LRRC4C: variants seen among roughly 807,000 people sequenced by gnomAD.
The protein encoded by LRRC4C is leucine-rich repeat-containing protein 4C.
A neutral mutation model predicts 33.6 loss-of-function variants in LRRC4C; 5 were observed. The ratio of observed to expected loss-of-function variants is 0.15; its 90% CI spans 0.08 to 0.31. The LOEUF is 0.31. LRRC4C is among the 10% of genes least tolerant of loss of function. The pLI, the probability that LRRC4C is intolerant of heterozygous loss-of-function variation, is 1.00. For missense variants in LRRC4C, 560 were observed against 796.7 expected, an observed-to-expected ratio of 0.70 and a Z score of 3.58; for synonymous variants, 329 against 302.0, an observed-to-expected ratio of 1.09 and a Z score of -0.93.
At position 40,961,115 on chromosome 11, in the gene LRRC4C, G is replaced by A. The variant is rs1316042096; in HGVS notation, c.-495-27392C>T. Among the ~76,000 whole-genome samples the A allele has an allele frequency of 5.9e-5, 9 of 151,774 alleles. No homozygotes were observed. In the East Asian group the frequency reaches 1.8e-3, roughly 30 times the overall value. On this transcript the variant is annotated intron_variant, in intron 1 of 6. Coordinates refer to ENST00000528697, the MANE Select transcript of LRRC4C (RefSeq NM_001258419.2). ...GATGGAAGGGTGGAAAGGTTAAGAT[G>A]AACAGGAAATTTGGAAAAGGTTCAG... is the stretch of plus-strand genomic sequence containing the variant.
intron 6 of LRRC4C, among the ~76,000 whole-genome samples, chr11:40,120,017 A>T (rs763276567): frequency 6.6e-6 from 1 of 152,116 alleles, no homozygotes; most frequent in Non-Finnish European, 1.5e-5. Flanking sequence ...ATAAAACCAC[A>T]ATAAAGGCTC....
At chr11:40,805,870 AG>A (rs941183760) in intron 2 of LRRC4C, among the ~76,000 whole-genome samples, 2 of 152,170 alleles carry the variant, frequency 1.3e-5, no homozygotes, top group African/African-American at 2.4e-5. Context: ...AAAAAAAAAT[AG>A]GGTTTCATAA....
At chr11:40,206,544 T>C (rs1317288692) in intron 5 of LRRC4C, among the ~76,000 whole-genome samples, 3 of 152,138 alleles carry the variant, frequency 2.0e-5, no homozygotes, top group African/African-American at 7.2e-5. Flanking sequence ...ACCTGGCCTA[T>C]TGCCATTTTT....
At chr11:40,693,235 TAAAAA>T (rs1945314853) in intron 2 of LRRC4C, among the ~76,000 whole-genome samples, 1 of 152,104 alleles carries the variant, frequency 6.6e-6, no homozygotes, top group African/African-American at 2.4e-5. Flanking sequence ...GTGAGATAGA[TAAAAA>T]TAAAATAAAA....
At chr11:40,240,137 A>T (rs1006577028) in intron 5 of LRRC4C, among the ~76,000 whole-genome samples, 4 of 152,018 alleles carry the variant, frequency 2.6e-5, no homozygotes, top group South Asian at 2.1e-4. Flanking sequence ...TAACTTTATT[A>T]AAAAAAACTA....
intron 1 of LRRC4C, among the ~76,000 whole-genome samples, chr11:41,213,284 T>G (rs1946899343): frequency 6.6e-6 from 1 of 152,206 alleles, no homozygotes; most frequent in Admixed American, 6.5e-5. Context: ...TGAAATGATG[T>G]GATAATATAA....
At chr11:40,963,724 C>T (rs1343099613) in intron 1 of LRRC4C, among the ~76,000 whole-genome samples, 1 of 151,754 alleles carries the variant, frequency 6.6e-6, no homozygotes, top group Non-Finnish European at 1.5e-5. Context: ...AAATCAAATA[C>T]TATATCTCAG....
rs558412988 is a variant in LRRC4C at position 40,868,247 on chromosome 11, A to G, written c.-407+65388T>C. 9.2e-5 allele frequency among the ~76,000 whole-genome samples: 14 copies of G among 152,262 alleles called. No individual in the cohort carries two copies. In the South Asian group the frequency reaches 1.2e-3, roughly 14 times the overall value. The stretch of plus-strand genomic sequence containing the variant: ...CGCTGAGCTATCCTTCAGTAAATAT[A>G]TAACTGTGGAAAAGGAACAGGGAAT... On this transcript the variant is annotated intron_variant, in intron 2 of 6. Coordinates refer to ENST00000528697, the MANE Select transcript of LRRC4C (RefSeq NM_001258419.2).
chr11:40,885,610 A>G (rs1955418640), intron 2 of LRRC4C, among the ~76,000 whole-genome samples: 2 of 152,098 alleles, frequency 1.3e-5, no homozygotes, highest in Admixed American at 1.3e-4. Flanking sequence ...ATCATCAACA[A>G]ACTCTCTAGA....
intron 1 of LRRC4C, among the ~76,000 whole-genome samples, chr11:41,202,577 A>G (rs1409956421): frequency 6.6e-6 from 1 of 152,144 alleles, no homozygotes; most frequent in Non-Finnish European, 1.5e-5. Flanking sequence ...TAGTTAAAAC[A>G]CAAGTGAGGT....
At chr11:40,120,391 A>G (rs563640506) in intron 6 of LRRC4C, among the ~76,000 whole-genome samples, 39 of 152,198 alleles carry the variant, frequency 2.6e-4, no homozygotes, top group African/African-American at 9.4e-4. Context: ...ACTCTTTTAT[A>G]TTTCCATTAT....
intron 1 of LRRC4C, among the ~76,000 whole-genome samples, chr11:41,260,080 T>C (rs1239364805): frequency 6.6e-6 from 1 of 152,016 alleles, no homozygotes; most frequent in Non-Finnish European, 1.5e-5. Context: ...TTTTTTGTCA[T>C]TTTTTAAATG....
intron 5 of LRRC4C, among the ~76,000 whole-genome samples, chr11:40,204,963 T>C (rs1042399805): frequency 2.6e-5 from 4 of 152,208 alleles, no homozygotes; most frequent in African/African-American, 9.6e-5. Context: ...AATTCTTCCC[T>C]ACAAGGAAGC....
intron 1 of LRRC4C, among the ~76,000 whole-genome samples, chr11:41,175,511 G>A (rs1945160246): frequency 6.6e-6 from 1 of 152,026 alleles, no homozygotes; most frequent in Non-Finnish European, 1.5e-5. Context: ...AATCCTTGCA[G>A]TAGGGAGGAA....
intron 6 of LRRC4C, among the ~76,000 whole-genome samples, chr11:40,133,436 A>G (rs1856778492): frequency 6.6e-6 from 1 of 152,222 alleles, no homozygotes; most frequent in Admixed American, 6.5e-5. Context: ...CTAGAGAGTA[A>G]CCAAAAACAT....
At chr11:41,087,228 C>T (rs1940065980) in intron 1 of LRRC4C, among the ~76,000 whole-genome samples, 1 of 152,044 alleles carries the variant, frequency 6.6e-6, no homozygotes. Flanking sequence ...TTCCTACTGC[C>T]AATACCATAG....
At chr11:40,249,925 G>T (rs1487457031) in intron 4 of LRRC4C, among the ~76,000 whole-genome samples, 1 of 152,134 alleles carries the variant, frequency 6.6e-6, no homozygotes, top group East Asian at 1.9e-4. Context: ...AAGTATAAAA[G>T]ACAATAAAAT....
chr11:41,208,925 G>A (rs1397792240), intron 1 of LRRC4C, among the ~76,000 whole-genome samples: 1 of 152,144 alleles, frequency 6.6e-6, no homozygotes, highest in African/African-American at 2.4e-5. Context: ...TCACCATGGA[G>A]AGCTGAGAAG....
chr11:41,161,600 A>C (rs1007332831), intron 1 of LRRC4C, among the ~76,000 whole-genome samples: 2 of 152,192 alleles, frequency 1.3e-5, no homozygotes, highest in Non-Finnish European at 2.9e-5. Flanking sequence ...ACTTAGGGTC[A>C]CCTATGAAAA....
Sources: gnomAD v4.1 joint callset for allele counts (sites outside exome capture counted in the v4.1 genomes callset) on GRCh38, gnomAD v4.1.1 for gene constraint, MANE v1.5 for transcripts, NCBI Gene and HGNC (gene_info 2026-07-23, HGNC 2026-07-21) for gene names.